The following TAF3 variants were observed in gnomAD, a reference collection of about 807,000 sequenced individuals.
TAF3 encodes transcription initiation factor TFIID subunit 3.
Under a neutral mutation model 80.6 loss-of-function variants are expected in TAF3, and 7 were observed. The observed-to-expected ratio is 0.09, with a 90% CI of 0.05 to 0.16. TAF3 has a LOEUF of 0.16. Among genes scored for constraint, TAF3 ranks in the 10% least tolerant of loss-of-function variants. The pLI is 1.00. For missense variants in TAF3, 921 were observed against 1,140.2 expected, an observed-to-expected ratio of 0.81 and a Z score of 2.77; for synonymous variants, 444 against 446.1, an observed-to-expected ratio of 1.00 and a Z score of 0.06.
chr10:7,827,791 A>C (rs1244477), intron 2 of TAF3, among the ~76,000 whole-genome samples: 55,059 of 150,232 alleles, frequency 0.37, 10,118 homozygotes, highest in South Asian at 0.44. Context: ...AAAAAAAAAA[A>C]AAAAACAAAA....
rs186133428 is a variant in TAF3 at position 7,965,467 on chromosome 10, C to A, written c.1957C>A (p.Pro653Thr). The change falls in exon 3 of 7, where the codon CCA becomes ACA. Residue 653 changes from proline (P) to threonine (T), a missense_variant. Physicochemically the swap from Pro to Thr is conservative, Grantham distance 38. This residue lies in a region of TAF3 where 743 missense variants were observed against 821.0 expected (regional missense o/e 0.90). Coordinates refer to ENST00000344293, the MANE Select transcript of TAF3 (RefSeq NM_031923.4). ...REDKMKAPAP[P>T]LVLPPKELAL... is the part of the protein sequence containing the mutation. ...AGATAAGATGAAAGCCCCAGCACCC[C>A]CACTGGTGTTGCCCCCAAAAGAGTT... 6.2e-7 allele frequency: 1 copy of A among 1,612,380 alleles called. No homozygotes were observed. Among genetic ancestry groups the A allele is most frequent in the East Asian group, 2.2e-5 (1 of 44,836 alleles).
chr10:7,917,884 G>A (rs1034814502), intron 2 of TAF3, among the ~76,000 whole-genome samples: 1 of 152,244 alleles, frequency 6.6e-6, no homozygotes, highest in African/African-American at 2.4e-5. Flanking sequence ...CAATTTGAGT[G>A]TATGGTTGGG....
At chr10:7,953,750 A>C (rs474467) in intron 2 of TAF3, among the ~76,000 whole-genome samples, 1 of 152,242 alleles carries the variant, frequency 6.6e-6, no homozygotes, top group Non-Finnish European at 1.5e-5. Context: ...AGAACTTTCC[A>C]TAGTGAGATT....
rs75228569 is a variant in TAF3, at chr10:7,971,314, G to A, written c.2232+5572G>A. 4.6e-3 allele frequency among the ~76,000 whole-genome samples: 705 copies of A among 152,276 alleles called. 6 individuals are homozygous for A. The highest frequency in any genetic ancestry group is 0.028 in the East Asian group (147 of 5,186). On this transcript the variant is annotated intron_variant, in intron 3 of 6. Transcript: ENST00000344293. ...ACAAGATGGTTACAGCCATAGTTCA[G>A]CATCCAAATGTTAGGTTATTCTGTT...
intron 2 of TAF3, among the ~76,000 whole-genome samples, chr10:7,898,545 CAAAA>C (rs35137273): frequency 2.1e-5 from 2 of 96,204 alleles, no homozygotes; most frequent in Non-Finnish European, 4.1e-5. Context: ...GACTCTGTCT[CAAAA>C]AAAAAAAAAA....
chr10:7,957,792 GCGCTCTCTCT>G (rs58100472), intron 2 of TAF3, among the ~76,000 whole-genome samples: 25,800 of 134,334 alleles, frequency 0.19, 2,360 homozygotes, highest in East Asian at 0.3. Flanking sequence ...TCTCTCTAGC[GCGCTCTCTCT>G]CTCTCTCTCT....
chr10:7,944,695 A>G (rs961878405), intron 2 of TAF3, among the ~76,000 whole-genome samples: 4 of 152,222 alleles, frequency 2.6e-5, no homozygotes, highest in Admixed American at 2.6e-4. Flanking sequence ...TGGAATTGGT[A>G]TATCTGTGAT....
chr10:7,929,238 AAGT>A (rs1174588176), intron 2 of TAF3, among the ~76,000 whole-genome samples: 1 of 142,590 alleles, frequency 7.0e-6, no homozygotes, highest in Non-Finnish European at 1.5e-5. Flanking sequence ...TAATTGAGAG[AAGT>A]AGTTTATTTT....
chr10:7,844,311 A>G (rs1422872458), intron 2 of TAF3, among the ~76,000 whole-genome samples: 1 of 151,922 alleles, frequency 6.6e-6, no homozygotes. Context: ...TCCCAGTACA[A>G]CATGCTTTAA....
At chr10:7,852,735 CA>C (rs1379211330) in intron 2 of TAF3, among the ~76,000 whole-genome samples, 1 of 152,138 alleles carries the variant, frequency 6.6e-6, no homozygotes, top group African/African-American at 2.4e-5. Flanking sequence ...ATAGAAGTTG[CA>C]AATTGGTAAC....
intron 2 of TAF3, among the ~76,000 whole-genome samples, chr10:7,878,120 A>G (rs1048518225): frequency 8.5e-5 from 13 of 152,294 alleles, no homozygotes; most frequent in African/African-American, 3.1e-4. Flanking sequence ...CTAAAACATG[A>G]TTTTTAAAAC....
intron 4 of TAF3, among the ~76,000 whole-genome samples, chr10:7,995,320 A>C (rs1831877807): frequency 6.6e-6 from 1 of 152,190 alleles, no homozygotes; most frequent in Non-Finnish European, 1.5e-5. Flanking sequence ...TAACTTTCTG[A>C]ATATGTGGAC....
chr10:7,934,354 G>C (rs1014370645), intron 2 of TAF3, among the ~76,000 whole-genome samples: 4 of 152,166 alleles, frequency 2.6e-5, no homozygotes, highest in African/African-American at 9.7e-5. Context: ...TATAATTGAT[G>C]ACATCTTAGA....
At chr10:7,832,660 G>A (rs1440647357) in intron 2 of TAF3, among the ~76,000 whole-genome samples, 1 of 151,958 alleles carries the variant, frequency 6.6e-6, no homozygotes, top group Non-Finnish European at 1.5e-5. Context: ...AGTGATTCTT[G>A]TGCCCCACCC....
At chr10:7,828,617 T>C (rs1372864168) in intron 2 of TAF3, among the ~76,000 whole-genome samples, 1 of 151,690 alleles carries the variant, frequency 6.6e-6, no homozygotes, top group African/African-American at 2.4e-5. Context: ...CTGAGGAATG[T>C]CTGAAAATAG....
chr10:7,963,834 C>A, intron 2 of TAF3, 86 bp from the exon 3 acceptor site: 2 of 1,268,316 alleles, frequency 1.6e-6, no homozygotes, highest in African/African-American at 1.5e-5. Context: ...AAAAAGAAAT[C>A]ATATTTGAAG....
intron 3 of TAF3, among the ~76,000 whole-genome samples, chr10:7,976,605 A>G (rs553309271): frequency 4.6e-5 from 7 of 152,048 alleles, no homozygotes; most frequent in African/African-American, 1.4e-4. Context: ...TAGTTTCACC[A>G]TGTTGGCCAA....
At chr10:7,891,886 A>G (rs927629006) in intron 2 of TAF3, among the ~76,000 whole-genome samples, 2 of 152,256 alleles carry the variant, frequency 1.3e-5, no homozygotes, top group African/African-American at 2.4e-5. Context: ...GAACATTGCC[A>G]ATATAAATGG....
chr10:7,923,747 A>G (rs1204696140), intron 2 of TAF3, among the ~76,000 whole-genome samples: 1 of 152,050 alleles, frequency 6.6e-6, no homozygotes, highest in East Asian at 1.9e-4. Flanking sequence ...AATTTTTTGG[A>G]TAACTATACA....
Sources: gnomAD v4.1 joint callset for allele counts (sites outside exome capture counted in the v4.1 genomes callset) on GRCh38, gnomAD v4.1.1 for gene constraint, gnomAD v4.1.1 regional missense constraint, MANE v1.5 for transcripts, NCBI Gene and HGNC (gene_info 2026-07-23, HGNC 2026-07-21) for gene names.